GNG12: variants seen among roughly 807,000 people sequenced by gnomAD.
GNG12 encodes the protein G protein subunit gamma 12.
For synonymous variants in GNG12, 28 were observed against 29.7 expected, an observed-to-expected ratio of 0.94 and a Z score of 0.19; for missense variants, 69 against 83.8, an observed-to-expected ratio of 0.82 and a Z score of 0.69.
chr1:67,732,611 G>C (rs1199875121), intron 2 of GNG12, among the ~76,000 whole-genome samples: 1 of 152,210 alleles, frequency 6.6e-6, no homozygotes, highest in Non-Finnish European at 1.5e-5. Flanking sequence ...TGTTCACACT[G>C]CTTGTTTTCT....
chr1:67,706,738 C>A (rs547325299), intron 3 of GNG12, among the ~76,000 whole-genome samples: 2 of 151,532 alleles, frequency 1.3e-5, no homozygotes, highest in East Asian at 3.9e-4. Flanking sequence ...TCACTGCAAC[C>A]TCTGCCTCCT....
At chr1:67,750,320 A>G (rs1646531292) in intron 2 of GNG12, among the ~76,000 whole-genome samples, 1 of 152,076 alleles carries the variant, frequency 6.6e-6, no homozygotes, top group Non-Finnish European at 1.5e-5. Context: ...GGAACCTCAC[A>G]TTTTCCTGAT....
chr1:67,730,192 G>A (rs1646410746), intron 2 of GNG12, among the ~76,000 whole-genome samples: 1 of 152,122 alleles, frequency 6.6e-6, no homozygotes. Context: ...AGTGAAAGAA[G>A]CCAAATGTAA....
At chr1:67,790,272 A>G (rs1249602057) in intron 1 of GNG12, among the ~76,000 whole-genome samples, 1 of 152,152 alleles carries the variant, frequency 6.6e-6, no homozygotes, top group Non-Finnish European at 1.5e-5. Flanking sequence ...CCCCGCCTCC[A>G]CCAGGCATCC....
At chr1:67,791,777 C>T (rs928895883) in intron 1 of GNG12, among the ~76,000 whole-genome samples, 4 of 152,164 alleles carry the variant, frequency 2.6e-5, no homozygotes, top group African/African-American at 9.7e-5. Context: ...TGCTTCCCTC[C>T]TCAACCCCCC....
intron 2 of GNG12, among the ~76,000 whole-genome samples, chr1:67,744,157 A>C (rs892420795): frequency 6.6e-6 from 1 of 152,212 alleles, no homozygotes; most frequent in Non-Finnish European, 1.5e-5. Flanking sequence ...TAACCCTATG[A>C]GGGGGTACTT....
intron 2 of GNG12, among the ~76,000 whole-genome samples, chr1:67,712,984 C>T (rs1248092598): frequency 6.6e-6 from 1 of 152,182 alleles, no homozygotes; most frequent in Non-Finnish European, 1.5e-5. Context: ...CTGCCTTGGC[C>T]TCCCAAAGTG....
chr1:67,780,935 C>T (rs1035588963), intron 1 of GNG12, among the ~76,000 whole-genome samples: 2 of 152,238 alleles, frequency 1.3e-5, no homozygotes, highest in African/African-American at 4.8e-5. Context: ...TCTCCTTTGG[C>T]TGCCTGGACA....
chr1:67,729,609 T>C (rs1646407531), intron 2 of GNG12, among the ~76,000 whole-genome samples: 1 of 152,140 alleles, frequency 6.6e-6, no homozygotes, highest in Non-Finnish European at 1.5e-5. Context: ...ATGGCCTTGG[T>C]TTTCTTGGTT....
At chr1:67,788,612 A>G (rs1570549833) in intron 1 of GNG12, among the ~76,000 whole-genome samples, 1 of 151,972 alleles carries the variant, frequency 6.6e-6, no homozygotes, top group East Asian at 1.9e-4. Flanking sequence ...AAGCATAAGG[A>G]TTTAAGGCAT....
chr1:67,713,211 C>T (rs377515564), intron 2 of GNG12, among the ~76,000 whole-genome samples: 12 of 152,342 alleles, frequency 7.9e-5, no homozygotes, highest in African/African-American at 2.9e-4. Flanking sequence ...AGTATTCTAT[C>T]CCACCCAGAA....
intron 2 of GNG12, among the ~76,000 whole-genome samples, chr1:67,766,023 A>G (rs2100746132): frequency 6.6e-6 from 1 of 151,928 alleles, no homozygotes; most frequent in African/African-American, 2.4e-5. Flanking sequence ...AAACCATTTT[A>G]TTCTTTATAG....
At chr1:67,796,986 G>A (rs557521687) in intron 1 of GNG12, among the ~76,000 whole-genome samples, 16 of 152,276 alleles carry the variant, frequency 1.1e-4, no homozygotes, top group Non-Finnish European at 2.1e-4. Flanking sequence ...CAGCTCTTGC[G>A]TGAACTAATA....
chr1:67,785,414 A>G (rs2100775286), intron 1 of GNG12, among the ~76,000 whole-genome samples: 1 of 152,264 alleles, frequency 6.6e-6, no homozygotes, highest in African/African-American at 2.4e-5. Context: ...CTTTGGCTCA[A>G]TGAAACCACT....
In GNG12 at chr1:67,833,404, A is replaced by G. The variant is rs1647064903; in HGVS notation, c.-137T>C. ...GGACTCGGTCTCTAAGGGCTCCTGGAGACGGCTCCGACCTCTCCTCCTCCT... is the reference window on the plus strand; with the variant it reads ...GGACTCGGTCTCTAAGGGCTCCTGGGGACGGCTCCGACCTCTCCTCCTCCT... On this transcript the variant is annotated 5_prime_UTR_variant, in exon 1 of 4. Coordinates refer to ENST00000370982, the MANE Select transcript of GNG12 (RefSeq NM_018841.6). The G allele has an allele frequency of 2.0e-6, 2 of 985,056 alleles. No individual in the cohort carries two copies. Among genetic ancestry groups the G allele is most frequent in the Non-Finnish European group, 2.4e-6 (2 of 830,068 alleles). The allele number at this position is 985,056 out of a possible 1,614,324, so 61.0% of individuals were successfully genotyped here.
intron 2 of GNG12, among the ~76,000 whole-genome samples, chr1:67,739,037 G>A (rs189519304): frequency 5.3e-5 from 8 of 152,248 alleles, no homozygotes; most frequent in African/African-American, 1.9e-4. Context: ...AAATTAGCTG[G>A]GCGTGGTGGC....
intron 1 of GNG12, among the ~76,000 whole-genome samples, chr1:67,814,847 T>C (rs1174269936): frequency 6.6e-6 from 1 of 152,214 alleles, no homozygotes; most frequent in East Asian, 1.9e-4. Flanking sequence ...TTACTGAAGC[T>C]CTCTTGAGTT....
In GNG12 at chr1:67,702,018, G is replaced by A. The variant is rs1010274572; in HGVS notation, c.*3433C>T. ...CAGCCATCATCTACTGCAGCCACTTGTTTTACAAATGGAGAAATAGAGGCC... is the reference window on the plus strand; with the variant it reads ...CAGCCATCATCTACTGCAGCCACTTATTTTACAAATGGAGAAATAGAGGCC... On this transcript the variant is annotated 3_prime_UTR_variant, in exon 4 of 4. Transcript: ENST00000370982. 2.6e-4 allele frequency: 40 copies of A among 152,748 alleles called. No individual in the cohort carries two copies. The highest frequency in any genetic ancestry group is 9.6e-4 in the African/African-American group (40 of 41,454). 9.5% of individuals were successfully genotyped at this position (152,748 alleles called of 1,614,324 possible).
chr1:67,746,156 T>A (rs901794824), intron 2 of GNG12, among the ~76,000 whole-genome samples: 1 of 152,024 alleles, frequency 6.6e-6, no homozygotes, highest in Non-Finnish European at 1.5e-5. Flanking sequence ...AGAGTTAAGA[T>A]ACTATAAAGT....
Sources: allele counts gnomAD v4.1 joint callset (sites outside exome capture counted in the v4.1 genomes callset), GRCh38; gene constraint gnomAD v4.1.1; transcripts MANE v1.5; gene names NCBI Gene and HGNC (gene_info 2026-07-23, HGNC 2026-07-21).